FANCI: variants seen among roughly 807,000 people sequenced by gnomAD.
FANCI encodes FA complementation group I, also known as Fanconi anemia group I protein.
In FANCI, 156 loss-of-function variants were observed where a neutral mutation model predicts 176.1. The observed-to-expected ratio is 0.89, with a 90% CI of 0.78 to 1.01. The LOEUF (loss-of-function observed/expected upper bound fraction) is 1.01. Ranked by LOEUF, FANCI falls within the 50% of genes least tolerant of loss-of-function variation. The probability of loss-of-function intolerance (pLI) is 0.00; values close to 1 mark genes in which losing one functional copy is unlikely to be tolerated. For synonymous variants in FANCI, 613 were observed against 541.7 expected, an observed-to-expected ratio of 1.13 and a Z score of -1.83; for missense variants, 1,678 against 1,534.1, an observed-to-expected ratio of 1.09 and a Z score of -1.57.
intron 35 of FANCI, among the ~76,000 whole-genome samples, chr15:89,313,442 A>G (rs558296463): frequency 6.6e-6 from 1 of 152,344 alleles, no homozygotes; most frequent in African/African-American, 2.4e-5. Flanking sequence ...AGCACCAGAA[A>G]ATCTTGAGTT....
chr15:89,293,021 G>T lies in FANCI; in HGVS notation c.2249G>T (p.Cys750Phe). 1 of 1,614,002 alleles carries T rather than the reference G, an allele frequency of 6.2e-7. No homozygotes were observed. Among genetic ancestry groups the T allele is most frequent in the South Asian group, 1.1e-5 (1 of 91,082 alleles). Residue 750 changes from cysteine to phenylalanine, a missense_variant, in exon 22 of 38, where the codon TGT becomes TTT. Around this residue, in one of 3 missense-constraint regions of FANCI, gnomAD observed 1,204 missense variants for 1,077.4 expected, o/e 1.12. Transcript: ENST00000310775. ...TGTGCTTTTCTTGTGATGGGAGTTT[G>T]TGAGGTTTTAATAGAATACAATTTC... ...NICAFLVMGV[C>F]EVLIEYNFSI... is the part of the protein sequence containing the mutation.
intron 2 of FANCI, among the ~76,000 whole-genome samples, chr15:89,249,421 C>T (rs2052137911): frequency 6.6e-6 from 1 of 152,210 alleles, no homozygotes; most frequent in African/African-American, 2.4e-5. Flanking sequence ...GATCTCGGCA[C>T]ACTGCAGCCT....
At chr15:89,263,798 A>T in intron 7 of FANCI, 105 bp from the exon 8 acceptor site, 1 of 1,348,752 alleles carries the variant, frequency 7.4e-7, no homozygotes, top group Non-Finnish European at 1.0e-6. Context: ...TTCATTTCTT[A>T]AAATATGTTT....
chr15:89,300,263 A>G (rs779401058), intron 25 of FANCI, 37 bp from the exon 26 acceptor site: 5 of 1,592,260 alleles, frequency 3.1e-6, no homozygotes, highest in Non-Finnish European at 4.3e-6. Flanking sequence ...GTATGAGTTT[A>G]TATCAAAGAA....
intron 10 of FANCI, among the ~76,000 whole-genome samples, chr15:89,271,713 G>T (rs1011614051): frequency 1.3e-5 from 2 of 152,154 alleles, no homozygotes; most frequent in African/African-American, 4.8e-5. Flanking sequence ...GTGAACTCCT[G>T]ACCTCAAGTG....
At position 89,281,298 on chromosome 15, in the gene FANCI, C is replaced by G. The variant is rs554471987; in HGVS notation, c.1510C>G (p.Gln504Glu). 6.2e-7 allele frequency: 1 copy of G among 1,613,634 alleles called. No homozygotes were observed. The highest frequency in any genetic ancestry group is 8.5e-7 in the Non-Finnish European group (1 of 1,179,706). The change falls in exon 15 of 38, where the codon CAG becomes GAG. Residue 504 changes from glutamine (Q) to glutamate (E), a missense_variant and splice_region_variant. By Grantham distance (29) the Gln-to-Glu change is conservative. Transcript: ENST00000310775. The stretch of plus-strand genomic sequence containing the variant: ...TGTACAAAGGCTGCTTAAGGCAGTG[C>G]AGGTAAGTCTTCAGATTCCCAAGTA... Reference protein sequence around the residue: ...QTVQRLLKAVQPLLKVSMSMR... With the variant: ...QTVQRLLKAVEPLLKVSMSMR...
chr15:89,268,244 C>T (rs1437241723), intron 9 of FANCI, among the ~76,000 whole-genome samples, 155 bp from the exon 10 acceptor site: 1 of 152,152 alleles, frequency 6.6e-6, no homozygotes, highest in Non-Finnish European at 1.5e-5. Context: ...ATAGGAATGC[C>T]ACCACATCGG....
At chr15:89,258,605 A>G (rs185927897) in intron 2 of FANCI, 99 bp from the exon 3 acceptor site, 1 of 893,992 alleles carries the variant, frequency 1.1e-6, no homozygotes, top group East Asian at 2.4e-5. Context: ...TCTCTGAATG[A>G]TCTGAACGTG....
intron 2 of FANCI, among the ~76,000 whole-genome samples, chr15:89,251,412 A>C (rs1042877523): frequency 6.6e-6 from 1 of 152,228 alleles, no homozygotes; most frequent in Admixed American, 6.5e-5. Context: ...AATGCTACAT[A>C]AATTGTTTTA....
At chr15:89,252,481 T>A (rs1044272299) in intron 2 of FANCI, among the ~76,000 whole-genome samples, 1 of 151,862 alleles carries the variant, frequency 6.6e-6, no homozygotes, top group African/African-American at 2.4e-5. Flanking sequence ...AGCTCACGCC[T>A]GTAATCCCAG....
intron 10 of FANCI, among the ~76,000 whole-genome samples, chr15:89,270,975 A>T (rs2053177657): frequency 2.0e-5 from 3 of 150,408 alleles, no homozygotes; most frequent in Admixed American, 1.3e-4. Flanking sequence ...GTATCTGTTC[A>T]CTCTTTTTTT....
At chr15:89,279,687 C>T (rs1224958766) in intron 14 of FANCI, among the ~76,000 whole-genome samples, 1 of 152,074 alleles carries the variant, frequency 6.6e-6, no homozygotes, top group East Asian at 1.9e-4. Flanking sequence ...CTTTTCATTG[C>T]TCCTATTTCC....
At chr15:89,255,119 A>G (rs924295121) in intron 2 of FANCI, among the ~76,000 whole-genome samples, 9 of 152,238 alleles carry the variant, frequency 5.9e-5, no homozygotes, top group South Asian at 4.2e-4. Context: ...ACACTCTGCA[A>G]TAGTTCTCAG....
At chr15:89,286,391 C>T (rs2053818701) in intron 18 of FANCI, among the ~76,000 whole-genome samples, 1 of 152,148 alleles carries the variant, frequency 6.6e-6, no homozygotes, top group South Asian at 2.1e-4. Context: ...TATGACAGTA[C>T]AGCTAAGAGA....
At chr15:89,306,344 G>C in intron 32 of FANCI, 150 bp downstream of exon 32, 2 of 794,458 alleles carry the variant, frequency 2.5e-6, no homozygotes, top group Admixed American at 2.0e-5. Flanking sequence ...ATTTTAGTTT[G>C]GTCAGTAGGT....
chr15:89,276,379 C>T (rs893958142), intron 12 of FANCI, among the ~76,000 whole-genome samples: 1 of 152,176 alleles, frequency 6.6e-6, no homozygotes, highest in Non-Finnish European at 1.5e-5. Context: ...TCTACATAAG[C>T]GTTGTCAGTG....
chr15:89,296,741 G>C (rs2054292566), intron 24 of FANCI, among the ~76,000 whole-genome samples: 1 of 152,138 alleles, frequency 6.6e-6, no homozygotes, highest in Non-Finnish European at 1.5e-5. Flanking sequence ...TGGCTGGGCA[G>C]AGGGGCTCCT....
At chr15:89,299,586 A>G (rs1343550664) in intron 24 of FANCI, among the ~76,000 whole-genome samples, 1 of 152,234 alleles carries the variant, frequency 6.6e-6, no homozygotes, top group African/African-American at 2.4e-5. Context: ...TTAGATCAGT[A>G]GTTGCTTGGA....
At chr15:89,294,840 A>G (rs1459858152) in intron 23 of FANCI, 75 bp from the exon 24 acceptor site, 3 of 1,465,602 alleles carry the variant, frequency 2.0e-6, no homozygotes, top group Non-Finnish European at 2.7e-6. Context: ...AACAATTTCT[A>G]GAAAGCTTAA....
Sources: allele counts gnomAD v4.1 joint callset (sites outside exome capture counted in the v4.1 genomes callset), GRCh38; gene constraint gnomAD v4.1.1; regional missense constraint gnomAD v4.1.1; transcripts MANE v1.5; gene names NCBI Gene and HGNC (gene_info 2026-07-23, HGNC 2026-07-21).